The following DNER variants were observed in gnomAD, a reference collection of about 807,000 sequenced individuals.
DNER encodes the protein delta and Notch-like epidermal growth factor-related receptor.
A neutral mutation model predicts 78.2 loss-of-function variants in DNER; 33 were observed. The observed-to-expected ratio is 0.42, with a 90% CI of 0.32 to 0.56. The LOEUF (loss-of-function observed/expected upper bound fraction) is 0.56. DNER is among the 20% of genes least tolerant of loss of function. The probability of loss-of-function intolerance (pLI) is 0.11; values close to 1 mark genes in which losing one functional copy is unlikely to be tolerated. For missense variants in DNER, 918 were observed against 975.3 expected, an observed-to-expected ratio of 0.94 and a Z score of 0.78; for synonymous variants, 417 against 384.8, an observed-to-expected ratio of 1.08 and a Z score of -0.98.
intron 1 of DNER, among the ~76,000 whole-genome samples, chr2:229,632,019 C>T (rs1243928364): frequency 6.6e-6 from 1 of 152,196 alleles, no homozygotes; most frequent in Non-Finnish European, 1.5e-5. Flanking sequence ...ACCCAATAAA[C>T]TCTGCACTAC....
chr2:229,543,453 C>G (rs755224246), intron 5 of DNER, among the ~76,000 whole-genome samples: 3 of 152,232 alleles, frequency 2.0e-5, no homozygotes, highest in Non-Finnish European at 4.4e-5. Flanking sequence ...ACGGAATCAA[C>G]GTTTCTCCAG....
intron 8 of DNER, among the ~76,000 whole-genome samples, chr2:229,419,656 G>A (rs1693723776): frequency 1.3e-5 from 2 of 151,996 alleles, no homozygotes; most frequent in South Asian, 2.1e-4. Context: ...CCAAATTTAG[G>A]TTGTGATAAT....
rs568238996 is a variant in DNER at position 229,506,896 on chromosome 2, G to C, written c.1147+5887C>G. Among the ~76,000 whole-genome samples, 5 of 152,218 alleles carry C rather than the reference G, an allele frequency of 3.3e-5. No homozygotes were observed. In the South Asian group the frequency reaches 1.0e-3, roughly 32 times the overall value. On this transcript the variant is annotated intron_variant, in intron 6 of 12. Transcript: ENST00000341772. ...ACAATCATGCATTGCGTAATGATGG[G>C]GATATGTTTTAAGAAACGTGTTGTT...
chr2:229,629,211 T>C (rs2154215685), intron 1 of DNER, among the ~76,000 whole-genome samples: 1 of 152,324 alleles, frequency 6.6e-6, no homozygotes, highest in African/African-American at 2.4e-5. Context: ...AAGACTGAAA[T>C]GAATTCATAT....
chr2:229,402,764 C>G (rs1311527949), intron 10 of DNER, among the ~76,000 whole-genome samples: 1 of 152,168 alleles, frequency 6.6e-6, no homozygotes, highest in African/African-American at 2.4e-5. Context: ...GGTATCTTTC[C>G]TTCCATCCAC....
intron 7 of DNER, among the ~76,000 whole-genome samples, chr2:229,475,233 G>A (rs1268880685): frequency 6.6e-6 from 1 of 152,154 alleles, no homozygotes; most frequent in Non-Finnish European, 1.5e-5. Context: ...GGACAAAGCT[G>A]GTGATAGTGG....
intron 8 of DNER, among the ~76,000 whole-genome samples, chr2:229,445,770 TC>T (rs1348704876): frequency 3.3e-5 from 5 of 152,112 alleles, no homozygotes; most frequent in African/African-American, 1.2e-4. Context: ...AATAAATCTC[TC>T]TCTCTCTCCT....
chr2:229,634,609 G>C (rs952648133), intron 1 of DNER, among the ~76,000 whole-genome samples: 1 of 152,118 alleles, frequency 6.6e-6, no homozygotes, highest in Non-Finnish European at 1.5e-5. Flanking sequence ...ATAATGTAAG[G>C]CTCAAGGAGA....
intron 5 of DNER, among the ~76,000 whole-genome samples, chr2:229,534,211 T>C (rs1172476118): frequency 6.6e-6 from 1 of 151,584 alleles, no homozygotes; most frequent in African/African-American, 2.4e-5. Context: ...ACCAATAGAT[T>C]GTAATGTAAC....
intron 1 of DNER, among the ~76,000 whole-genome samples, chr2:229,672,963 T>C (rs1699234653): frequency 6.6e-6 from 1 of 152,222 alleles, no homozygotes; most frequent in Non-Finnish European, 1.5e-5. Flanking sequence ...ATGACCACTG[T>C]CGTTTTGAGA....
At chr2:229,653,234 C>T (rs975792000) in intron 1 of DNER, among the ~76,000 whole-genome samples, 28 of 152,192 alleles carry the variant, frequency 1.8e-4, no homozygotes, top group Non-Finnish European at 7.3e-5. Flanking sequence ...GGGAGGCAGC[C>T]GCCTCTGCTG....
At chr2:229,503,690 G>T (rs17620535) in intron 6 of DNER, among the ~76,000 whole-genome samples, 1 of 152,066 alleles carries the variant, frequency 6.6e-6, no homozygotes, top group Non-Finnish European at 1.5e-5. Context: ...TGACTGAATA[G>T]GATTCTAGTA....
intron 9 of DNER, among the ~76,000 whole-genome samples, chr2:229,408,199 A>T (rs1693431912): frequency 6.6e-6 from 1 of 152,032 alleles, no homozygotes; most frequent in Non-Finnish European, 1.5e-5. Flanking sequence ...AAATGCCTGA[A>T]GTGGGACTGG....
At chr2:229,564,572 CA>C (rs1697063274) in intron 4 of DNER, among the ~76,000 whole-genome samples, 1 of 150,240 alleles carries the variant, frequency 6.7e-6, no homozygotes, top group Non-Finnish European at 1.5e-5. Context: ...TCATCATCAA[CA>C]TCATCACCCC....
chr2:229,583,989 A>G lies in DNER; in HGVS notation c.847+1869T>C, dbSNP rs186532596. The stretch of plus-strand genomic sequence containing the variant: ...TGGACTTCCAAAGATTAAAAAAAGA[A>G]CTTCTCATCAGAAGAGGGTCAGTCA... On this transcript the variant is annotated intron_variant, in intron 4 of 12. Coordinates refer to ENST00000341772, the MANE Select transcript of DNER (RefSeq NM_139072.4). 1.5e-3 allele frequency among the ~76,000 whole-genome samples: 233 copies of G among 152,352 alleles called. 1 individual carries two copies. Among genetic ancestry groups the G allele is most frequent in the African/African-American group, 5.4e-3 (224 of 41,592 alleles).
intron 4 of DNER, among the ~76,000 whole-genome samples, chr2:229,585,416 T>C (rs1047526718): frequency 6.6e-6 from 1 of 151,756 alleles, no homozygotes; most frequent in Non-Finnish European, 1.5e-5. Context: ...ATCCCAACAC[T>C]TCGGGAGGCT....
chr2:229,425,825 A>G (rs1693863956), intron 8 of DNER, among the ~76,000 whole-genome samples: 1 of 152,224 alleles, frequency 6.6e-6, no homozygotes, highest in Admixed American at 6.5e-5. Flanking sequence ...CTGCTGCCTC[A>G]GGCAAACAGG....
chr2:229,430,612 A>C (rs1172644280), intron 8 of DNER, among the ~76,000 whole-genome samples: 2 of 151,762 alleles, frequency 1.3e-5, no homozygotes, highest in Admixed American at 6.6e-5. Context: ...TGGAACTCGG[A>C]CTGGCTCTCT....
intron 1 of DNER, among the ~76,000 whole-genome samples, chr2:229,691,781 C>T (rs1004743911): frequency 1.3e-5 from 2 of 152,038 alleles, no homozygotes; most frequent in African/African-American, 4.8e-5. Flanking sequence ...TTAAAAACTT[C>T]CAGTGGTGGA....
Sources: allele counts gnomAD v4.1 joint callset (sites outside exome capture counted in the v4.1 genomes callset), GRCh38; gene constraint gnomAD v4.1.1; transcripts MANE v1.5; gene names NCBI Gene and HGNC (gene_info 2026-07-23, HGNC 2026-07-21).